PIEZO1: variants seen among roughly 807,000 people sequenced by gnomAD.
PIEZO1 encodes the protein piezo-type mechanosensitive ion channel component 1.
In PIEZO1, 296 loss-of-function variants were observed where a neutral mutation model predicts 297.2. That is an observed-to-expected ratio of 1.00 (90% confidence interval 0.91 to 1.10). The LOEUF (loss-of-function observed/expected upper bound fraction) is 1.10, where lower values mean the gene tolerates loss of function less well. PIEZO1 is among the 50% of genes least tolerant of loss of function. The probability of loss-of-function intolerance (pLI) is 0.00; values close to 1 mark genes in which losing one functional copy is unlikely to be tolerated. For synonymous variants in PIEZO1, 2,427 were observed against 1,507.5 expected, an observed-to-expected ratio of 1.61 and a Z score of -14.13; for missense variants, 5,018 against 3,455.5, an observed-to-expected ratio of 1.45 and a Z score of -11.34.
Position 88,734,348 on chromosome 16 carries a change from G to A in PIEZO1, c.2180+8C>T. 1 of 1,514,542 alleles carries A rather than the reference G, an allele frequency of 6.6e-7. No individual in the cohort carries two copies. Among genetic ancestry groups the A allele is most frequent in the South Asian group, 1.3e-5 (1 of 78,336 alleles). The allele number at this position is 1,514,542 out of a possible 1,614,324, so 93.8% of individuals were successfully genotyped here. On this transcript the variant is annotated splice_region_variant and intron_variant, in intron 16 of 50. Transcript: ENST00000301015. ...CTCCAGGGCCGGACAGGGAGGGCGGGGCCGCACCTGTGAGCCCAGCGCGGG... is the reference window on the plus strand; with the variant it reads ...CTCCAGGGCCGGACAGGGAGGGCGGAGCCGCACCTGTGAGCCCAGCGCGGG...
Position 88,715,792 on chromosome 16 carries a change from C to G in PIEZO1, c.7379G>C (p.Ser2460Thr). The G allele has an allele frequency of 5.8e-6, 9 of 1,550,346 alleles. No homozygotes were observed. The highest frequency in any genetic ancestry group is 7.8e-6 in the Non-Finnish European group (9 of 1,146,956). Residue 2460 changes from serine (S) to threonine (T), a missense_variant, in exon 51 of 51, where the codon AGC becomes ACC. Ser to Thr is a moderately conservative substitution (Grantham distance 58). Transcript: ENST00000301015. ...VIGKFVRGFF[S>T]EISHSIMFEE... ...GAACATAATGGAGTGCGAGATCTCG[C>G]TGAAGAATCCGCGCACGAACTTGCC...
intron 1 of PIEZO1, among the ~76,000 whole-genome samples, chr16:88,760,253 A>G (rs1906869863): frequency 6.6e-6 from 1 of 152,142 alleles, no homozygotes; most frequent in South Asian, 2.1e-4. Context: ...TCAGGCTGGG[A>G]TCCTGCACGG....
intron 1 of PIEZO1, among the ~76,000 whole-genome samples, chr16:88,761,637 G>C (rs1906938123): frequency 6.6e-6 from 1 of 152,142 alleles, no homozygotes; most frequent in South Asian, 2.1e-4. Context: ...ACGACCCCCA[G>C]CATGGCAGGA....
At chr16:88,726,979 G>A in intron 24 of PIEZO1, 21 bp from the exon 25 acceptor site, 1 of 1,549,498 alleles carries the variant, frequency 6.5e-7, no homozygotes, top group Non-Finnish European at 8.7e-7. Context: ...GGAGCGTCAG[G>A]GCGGGCGCCC....
At chr16:88,725,247 A>G (rs1904339438) in intron 29 of PIEZO1, among the ~76,000 whole-genome samples, 167 bp from the exon 30 acceptor site, 1 of 152,182 alleles carries the variant, frequency 6.6e-6, no homozygotes, top group Non-Finnish European at 1.5e-5. Flanking sequence ...GCGTGGACGG[A>G]CAGTCACAGG....
At chr16:88,766,085 C>T (rs918452370) in intron 1 of PIEZO1, among the ~76,000 whole-genome samples, 2 of 152,216 alleles carry the variant, frequency 1.3e-5, no homozygotes, top group Non-Finnish European at 2.9e-5. Flanking sequence ...GCCGTGGTCA[C>T]GCCTGCGGGT....
At chr16:88,746,097 G>A (rs1404542161) in intron 2 of PIEZO1, among the ~76,000 whole-genome samples, 1 of 152,144 alleles carries the variant, frequency 6.6e-6, no homozygotes, top group Non-Finnish European at 1.5e-5. Context: ...CATGGGACCA[G>A]CCAAGGGACC....
Position 88,731,892 on chromosome 16 carries a change from C to G in PIEZO1, c.3010G>C (p.Val1004Leu). The G allele has an allele frequency of 2.5e-6, 1 of 402,082 alleles. No individual in the cohort carries two copies. Among genetic ancestry groups the G allele is most frequent in the Admixed American group, 1.8e-4 (1 of 5,512 alleles). 24.9% of individuals were successfully genotyped at this position (402,082 alleles called of 1,614,324 possible). ...TTCATGCGCTGCCCGATCACGTTCA[C>G]GGCCATCAGGAAGCAGATCTGGGGA... Reference protein sequence around the residue: ...FGLEICFLMAVNVIGQRMNFL... With the variant: ...FGLEICFLMALNVIGQRMNFL... The change falls in exon 22 of 51, where the codon GTG (valine) becomes CTG (leucine). Residue 1004 changes from valine (V) to leucine (L), a missense_variant. Physicochemically the swap from Val to Leu is conservative, Grantham distance 32 (BLOSUM62 1). Transcript: ENST00000301015.
Position 88,716,658 on chromosome 16 carries a change from G to A in PIEZO1, c.6827C>T (p.Ala2276Val), listed in dbSNP as rs542776862. The A allele has an allele frequency of 4.1e-5, 63 of 1,549,294 alleles. No individual in the cohort carries two copies. Among genetic ancestry groups the A allele is most frequent in the Middle Eastern group, 1.7e-4 (1 of 5,992 alleles). ...VTAQIEGSSGALWRISPPSRA... is the reference protein window; with the variant it reads ...VTAQIEGSSGVLWRISPPSRA... ...GCTGGGGGGACTGATGCGCCACAGC[G>A]CCCCGGAGCTGCCCTCAATCTGCGC... Residue 2276 changes from alanine to valine, a missense_variant, in exon 47 of 51, where the codon GCG becomes GTG. By Grantham distance (64) the Ala-to-Val change is moderately conservative. Coordinates refer to ENST00000301015, the MANE Select transcript of PIEZO1 (RefSeq NM_001142864.4).
Position 88,756,903 on chromosome 16 carries a change from T to C in PIEZO1, c.65-7424A>G, listed in dbSNP as rs377698175. 2.7e-3 allele frequency among the ~76,000 whole-genome samples: 417 copies of C among 151,836 alleles called. 3 individuals carry two copies. Among genetic ancestry groups the C allele is most frequent in the African/African-American group, 7.9e-3 (328 of 41,368 alleles). ...CATCCTGGCCAACATGGTGAAACCC[T>C]GTCTCTACTAAAAATACAAAAAAGT... On this transcript the variant is annotated intron_variant, in intron 1 of 50. Coordinates refer to ENST00000301015, the MANE Select transcript of PIEZO1 (RefSeq NM_001142864.4).
In PIEZO1 at chr16:88,723,960, C is replaced by G. The variant is rs771605269; in HGVS notation, c.4246G>C (p.Gly1416Arg). The stretch of plus-strand genomic sequence containing the variant: ...TCGGACTCAAACAGGAAGTAGTCCC[C>G]GGAGTGGATGACTGTGGGCAGGCAG... ...WLDHATVIHS[G>R]DYFLFESDSE... is the part of the protein sequence containing the mutation. Residue 1416 changes from glycine to arginine, a missense_variant, in exon 31 of 51, where the codon GGG (glycine) becomes CGG (arginine). Coordinates refer to ENST00000301015, the MANE Select transcript of PIEZO1 (RefSeq NM_001142864.4). 2 of 1,545,198 alleles carry G rather than the reference C, an allele frequency of 1.3e-6. No individual in the cohort carries two copies. The highest frequency in any genetic ancestry group is 1.8e-6 in the Non-Finnish European group (2 of 1,142,282).
rs1597445087 is a variant in PIEZO1 at position 88,721,698 on chromosome 16, T to C, written c.5243A>G (p.Gln1748Arg). The change falls in exon 38 of 51, where the codon CAG (glutamine) becomes CGG (arginine). Residue 1748 changes from glutamine to arginine, a missense_variant. Transcript: ENST00000301015. ...GCTGTTCCAGGGGAAGAACCCAAAC[T>C]GGAACAGGTACTTGACGACCACCGC... is the stretch of plus-strand genomic sequence containing the variant. ...EIAVVVKYLFQFGFFPWNSHV... is the reference protein window; with the variant it reads ...EIAVVVKYLFRFGFFPWNSHV... The C allele has an allele frequency of 6.5e-7, 1 of 1,548,264 alleles. No individual in the cohort carries two copies. The highest frequency in any genetic ancestry group is 1.4e-5 in the African/African-American group (1 of 72,950).
chr16:88,784,865 C>T (rs1330413102), intron 1 of PIEZO1, 36 bp downstream of exon 1: 7 of 1,380,516 alleles, frequency 5.1e-6, no homozygotes, highest in Non-Finnish European at 1.9e-6. Flanking sequence ...GACGCAGCCC[C>T]CTCCCGTCGC....
At chr16:88,729,414 G>T (rs377550046) in intron 22 of PIEZO1, among the ~76,000 whole-genome samples, 1 of 96,080 alleles carries the variant, frequency 1.0e-5, no homozygotes, top group Non-Finnish European at 2.3e-5. Context: ...AAAACAAAGT[G>T]ACCCTCGATG....
intron 1 of PIEZO1, among the ~76,000 whole-genome samples, chr16:88,754,401 T>G (rs867309406): frequency 1.3e-5 from 2 of 152,148 alleles, no homozygotes; most frequent in African/African-American, 4.8e-5. Context: ...CACTGGCACA[T>G]AGGAAGACCT....
chr16:88,733,954 C>G lies in PIEZO1; in HGVS notation c.2281G>C (p.Glu761Gln), dbSNP rs564972023. The G allele has an allele frequency of 1.3e-6, 2 of 1,547,130 alleles. No individual in the cohort carries two copies. Among genetic ancestry groups the G allele is most frequent in the South Asian group, 1.2e-5 (1 of 83,848 alleles). The change falls in exon 17 of 51, where the codon GAG becomes CAG. Residue 761 changes from glutamate (E) to glutamine (Q), a missense_variant. Glu to Gln is a conservative substitution (Grantham distance 29). Coordinates refer to ENST00000301015, the MANE Select transcript of PIEZO1 (RefSeq NM_001142864.4). Reference protein sequence around the residue: ...EEEEEEDSRDEGLGVATPHQA... With the variant: ...EEEEEEDSRDQGLGVATPHQA... Reference sequence around the variant, plus strand: ...TGGGGAGTGGCCACGCCCAGCCCCTCGTCCCTGGAGTCCTCCTCCTCCTCC... The same window carrying G: ...TGGGGAGTGGCCACGCCCAGCCCCTGGTCCCTGGAGTCCTCCTCCTCCTCC...
Position 88,736,712 on chromosome 16 carries a change from T to TC in PIEZO1, c.1222dup (p.Glu408GlyfsTer84), listed in dbSNP as rs1299638263. 6.5e-7 allele frequency: 1 copy of TC among 1,532,310 alleles called. No homozygotes were observed. The highest frequency in any genetic ancestry group is 8.7e-7 in the Non-Finnish European group (1 of 1,145,164). The allele number at this position is 1,532,310 out of a possible 1,614,324, so 94.9% of individuals were successfully genotyped here. The stretch of plus-strand genomic sequence containing the variant: ...GCCCAGGCTGTGGAGCGGAGACGCC[T>TC]CCCTGGGCTCAGCCCGCTTGGGCCG... On this transcript the variant is annotated frameshift_variant, in exon 11 of 51. Transcript: ENST00000301015. LOFTEE classifies it high-confidence loss of function.
In PIEZO1 at chr16:88,737,548, G is replaced by A; in HGVS notation, c.1195+11C>T. The A allele has an allele frequency of 6.6e-7, 1 of 1,520,476 alleles. No homozygotes were observed. Among genetic ancestry groups the A allele is most frequent in the South Asian group, 1.2e-5 (1 of 83,674 alleles). 94.2% of individuals were successfully genotyped at this position (1,520,476 alleles called of 1,614,324 possible). A position where few individuals can be genotyped will look rare whatever the true frequency, so the allele number is the denominator to read the frequency against. On this transcript the variant is annotated intron_variant, in intron 10 of 50. Transcript: ENST00000301015. Reference sequence around the variant, plus strand: ...CGCACCCAGCCATACCTTGCAGTGTGCGGTACTCACCAGGCCGCCGCAGGA... The same window carrying A: ...CGCACCCAGCCATACCTTGCAGTGTACGGTACTCACCAGGCCGCCGCAGGA...
intron 30 of PIEZO1, among the ~76,000 whole-genome samples, chr16:88,724,751 C>G (rs542627898): frequency 6.6e-6 from 1 of 152,304 alleles, no homozygotes; most frequent in African/African-American, 2.4e-5. Context: ...GAGATCGCTG[C>G]TCGACCACCA....
Sources: gnomAD v4.1 joint callset for allele counts (sites outside exome capture counted in the v4.1 genomes callset) on GRCh38, gnomAD v4.1.1 for gene constraint, MANE v1.5 for transcripts, NCBI Gene and HGNC (gene_info 2026-07-23, HGNC 2026-07-21) for gene names.